Variants in CNOT4 observed in about 807,000 individuals in gnomAD.
CNOT4 encodes the protein CCR4-NOT transcription complex subunit 4.
CNOT4 carries 8 observed loss-of-function variants against 73.8 expected under a neutral mutation model. That is an observed-to-expected ratio of 0.11 (90% CI 0.06 to 0.20). CNOT4 has a LOEUF of 0.20. CNOT4 is among the 10% of genes least tolerant of loss of function. The pLI is 1.00. For missense variants in CNOT4, 564 were observed against 883.4 expected (o/e 0.64, Z 4.58); for synonymous variants, 293 against 321.1 (o/e 0.91, Z 0.94).
chr7:135,366,250 G>A (rs141742084), intron 10 of CNOT4, among the ~76,000 whole-genome samples: 14 of 152,258 alleles, frequency 9.2e-5, no homozygotes, highest in Middle Eastern at 6.8e-3. Context: ...CAATGAAATT[G>A]AGGAACATTT....
intron 1 of CNOT4, among the ~76,000 whole-genome samples, chr7:135,459,975 T>C (rs1193992135): frequency 6.6e-6 from 1 of 152,262 alleles, no homozygotes; most frequent in Non-Finnish European, 1.5e-5. Context: ...TTTTATGTTA[T>C]GGAAATGGCT....
intron 2 of CNOT4, among the ~76,000 whole-genome samples, chr7:135,434,424 G>A (rs1205383261): frequency 6.6e-6 from 1 of 152,232 alleles, no homozygotes; most frequent in African/African-American, 2.4e-5. Flanking sequence ...TCTAGGAGAT[G>A]TGATTAAGTC....
At chr7:135,449,112 A>T (rs1002846643) in intron 1 of CNOT4, among the ~76,000 whole-genome samples, 2 of 152,166 alleles carry the variant, frequency 1.3e-5, no homozygotes, top group African/African-American at 4.8e-5. Context: ...ACATAATTTG[A>T]GCAAAAACAG....
At chr7:135,497,507 G>A (rs1339688138) in intron 1 of CNOT4, among the ~76,000 whole-genome samples, 1 of 152,058 alleles carries the variant, frequency 6.6e-6, no homozygotes, top group Non-Finnish European at 1.5e-5. Context: ...TGTTTGGGTT[G>A]CTTAAAATAG....
chr7:135,405,442 T>C (rs1002785730), intron 7 of CNOT4, among the ~76,000 whole-genome samples: 2 of 152,148 alleles, frequency 1.3e-5, no homozygotes, highest in Non-Finnish European at 2.9e-5. Context: ...CCTTTCACAG[T>C]TGGTACTTAA....
At chr7:135,476,424 T>C (rs1179455531) in intron 1 of CNOT4, among the ~76,000 whole-genome samples, 1 of 152,228 alleles carries the variant, frequency 6.6e-6, no homozygotes, top group Non-Finnish European at 1.5e-5. Flanking sequence ...AGGAAGTATG[T>C]TATGGAGTAT....
At chr7:135,423,192 T>C (rs1402225750) in intron 2 of CNOT4, among the ~76,000 whole-genome samples, 2 of 152,242 alleles carry the variant, frequency 1.3e-5, no homozygotes, top group South Asian at 4.1e-4. Context: ...TTTTCTTTTC[T>C]TCCCTCCCCC....
rs141702259 is a variant in CNOT4, at chr7:135,458,235, T to C, written c.-92-19812A>G. 2.7e-3 allele frequency among the ~76,000 whole-genome samples: 413 copies of C among 152,286 alleles called. 6 individuals are homozygous for C. Among genetic ancestry groups the C allele is most frequent in the East Asian group, 0.021 (110 of 5,194 alleles). On this transcript the variant is annotated intron_variant, in intron 1 of 11. Coordinates refer to ENST00000541284, the MANE Select transcript of CNOT4 (RefSeq NM_001190850.2). ...GGTATGTTTACACTATACTGTAGTA[T>C]ATCACATATGCAATAGCATTATATC...
At chr7:135,442,054 T>A (rs1327098319) in intron 1 of CNOT4, among the ~76,000 whole-genome samples, 1 of 152,196 alleles carries the variant, frequency 6.6e-6, no homozygotes. Flanking sequence ...CTGACTCACC[T>A]CTTTCACAAA....
chr7:135,505,507 G>A (rs986543439), intron 1 of CNOT4, among the ~76,000 whole-genome samples: 4 of 152,146 alleles, frequency 2.6e-5, no homozygotes, highest in South Asian at 2.1e-4. Flanking sequence ...AGCCGAGATC[G>A]TGCAGCTACA....
chr7:135,448,559 G>GGGAA lies in CNOT4; in HGVS notation c.-92-10140_-92-10137dup, dbSNP rs1226895008. ...AAAAAAAAAGGGAGGGAGGGAGGGA[G>GGGAA]GGAAGGAAGGAAGGAAGGAAGGACC... On this transcript the variant is annotated intron_variant, in intron 1 of 11. Transcript: ENST00000541284. 7.7e-4 allele frequency among the ~76,000 whole-genome samples: 114 copies of GGGAA among 148,428 alleles called. No homozygotes were observed. In the Middle Eastern group the frequency reaches 0.017, roughly 23 times the overall value.
intron 1 of CNOT4, among the ~76,000 whole-genome samples, chr7:135,442,281 G>A (rs1389624119): frequency 6.6e-6 from 1 of 152,098 alleles, no homozygotes; most frequent in Non-Finnish European, 1.5e-5. Context: ...TACTTAATAA[G>A]CCAGACAACT....
At chr7:135,453,848 T>TATATATATATA (rs61345541) in intron 1 of CNOT4, among the ~76,000 whole-genome samples, 11,560 of 115,786 alleles carry the variant, frequency 0.1, 688 homozygotes, top group East Asian at 0.14. Flanking sequence ...ATATATATAT[T>TATATATATATA]ATATATATAG....
chr7:135,457,034 T>C lies in CNOT4; in HGVS notation c.-92-18611A>G, dbSNP rs181629768. ...GATCACTGGCTATAAAACCAATATA[T>C]AAAAATCCACTGTATTTCAAAATAC... On this transcript the variant is annotated intron_variant, in intron 1 of 11. Coordinates refer to ENST00000541284, the MANE Select transcript of CNOT4 (RefSeq NM_001190850.2). 3.9e-5 allele frequency among the ~76,000 whole-genome samples: 6 copies of C among 152,088 alleles called. 1 individual carries two copies. The highest frequency in any genetic ancestry group is 7.2e-5 in the African/African-American group (3 of 41,528).
chr7:135,493,268 C>G (rs1468473550), intron 1 of CNOT4, among the ~76,000 whole-genome samples: 1 of 152,090 alleles, frequency 6.6e-6, no homozygotes, highest in Non-Finnish European at 1.5e-5. Context: ...GCTCAGGGAT[C>G]CTCCTGCCTC....
chr7:135,418,121 A>G (rs1260154333), intron 3 of CNOT4, among the ~76,000 whole-genome samples: 1 of 152,234 alleles, frequency 6.6e-6, no homozygotes, highest in Non-Finnish European at 1.5e-5. Flanking sequence ...AACAAAAAGA[A>G]TTACACGGAT....
At chr7:135,423,662 C>T (rs1798318217) in intron 2 of CNOT4, among the ~76,000 whole-genome samples, 1 of 152,068 alleles carries the variant, frequency 6.6e-6, no homozygotes, top group Admixed American at 6.6e-5. Flanking sequence ...AAACTTAATA[C>T]TCTTCATAGT....
intron 3 of CNOT4, among the ~76,000 whole-genome samples, chr7:135,417,946 C>T (rs1298641006): frequency 6.6e-6 from 1 of 152,186 alleles, no homozygotes; most frequent in Non-Finnish European, 1.5e-5. Flanking sequence ...TGTGCCTTTA[C>T]AGCACACAAC....
intron 1 of CNOT4, among the ~76,000 whole-genome samples, chr7:135,463,575 C>CA (rs58220290): frequency 1 from 147,505 of 147,664 alleles, 73,676 homozygotes; most frequent in Middle Eastern, 1. Context: ...ACCAACCAAC[C>CA]ACCGTGGAAG....
Sources: gnomAD v4.1 joint callset for allele counts (sites outside exome capture counted in the v4.1 genomes callset) on GRCh38, gnomAD v4.1.1 for gene constraint, MANE v1.5 for transcripts, NCBI Gene and HGNC (gene_info 2026-07-23, HGNC 2026-07-21) for gene names.